MICU1: variants seen among roughly 807,000 people sequenced by gnomAD.
MICU1 encodes the protein calcium uptake protein 1, mitochondrial.
In MICU1, 45 loss-of-function variants were observed where a neutral mutation model predicts 56.8. The ratio of observed to expected loss-of-function variants is 0.79; its 90% CI spans 0.62 to 1.02. MICU1 has a LOEUF of 1.02. Among genes scored for constraint, MICU1 ranks in the 50% least tolerant of loss-of-function variants. The probability of loss-of-function intolerance (pLI) is 0.00; values close to 1 mark genes in which losing one functional copy is unlikely to be tolerated. For synonymous variants in MICU1, 186 were observed against 195.1 expected, an observed-to-expected ratio of 0.95 and a Z score of 0.39; for missense variants, 504 against 587.1, an observed-to-expected ratio of 0.86 and a Z score of 1.46.
chr10:72,455,115 C>T (rs573580432), intron 8 of MICU1, among the ~76,000 whole-genome samples: 4 of 151,944 alleles, frequency 2.6e-5, no homozygotes, highest in South Asian at 2.1e-4. Context: ...TTTGGGAGGC[C>T]GAGGTAGGTG....
At chr10:72,617,861 G>A (rs567013319) in intron 1 of MICU1, among the ~76,000 whole-genome samples, 1 of 152,092 alleles carries the variant, frequency 6.6e-6, no homozygotes, top group East Asian at 1.9e-4. Flanking sequence ...AGCAAAGCTA[G>A]AATCTGTTAA....
At chr10:72,515,874 T>C (rs946763878) in intron 5 of MICU1, among the ~76,000 whole-genome samples, 6 of 152,206 alleles carry the variant, frequency 3.9e-5, no homozygotes, top group Admixed American at 1.3e-4. Context: ...ATTTTCACCA[T>C]AGATGAGTTT....
intron 6 of MICU1, among the ~76,000 whole-genome samples, chr10:72,490,607 G>T (rs1161387525): frequency 6.6e-6 from 1 of 152,138 alleles, no homozygotes; most frequent in Non-Finnish European, 1.5e-5. Flanking sequence ...ATTACAGAGA[G>T]AGTTATGGGG....
chr10:72,549,812 TGCCAGC>T, intron 4 of MICU1, among the ~76,000 whole-genome samples: 1 of 151,384 alleles, frequency 6.6e-6, no homozygotes, highest in South Asian at 2.1e-4. Context: ...ATGCCTGTAA[TGCCAGC>T]TACTCAGGAG....
intron 8 of MICU1, among the ~76,000 whole-genome samples, chr10:72,444,776 C>G (rs570076524): frequency 6.6e-6 from 1 of 152,114 alleles, no homozygotes; most frequent in African/African-American, 2.4e-5. Flanking sequence ...GTGCCTGTGT[C>G]GCACACAGAG....
chr10:72,445,846 A>G (rs551887774), intron 8 of MICU1, among the ~76,000 whole-genome samples: 10 of 152,354 alleles, frequency 6.6e-5, no homozygotes, highest in African/African-American at 2.4e-4. Context: ...CTGTGAGGGT[A>G]AAGTTAGATA....
intron 8 of MICU1, among the ~76,000 whole-genome samples, chr10:72,442,493 A>G (rs188545496): frequency 1.3e-5 from 2 of 152,276 alleles, no homozygotes; most frequent in East Asian, 3.9e-4. Context: ...CAGTAAGGAG[A>G]ATCCAATCTA....
At chr10:72,559,648 G>A (rs1416141005) in intron 3 of MICU1, among the ~76,000 whole-genome samples, 1 of 151,948 alleles carries the variant, frequency 6.6e-6, no homozygotes, top group Non-Finnish European at 1.5e-5. Flanking sequence ...CAAATATTGA[G>A]ACCTCTACAA....
intron 5 of MICU1, among the ~76,000 whole-genome samples, chr10:72,526,431 G>A (rs897584670): frequency 2.0e-5 from 3 of 152,130 alleles, no homozygotes; most frequent in Non-Finnish European, 2.9e-5. Flanking sequence ...AAGTAGCTGG[G>A]ATTACAGGCG....
At chr10:72,369,147 G>A (rs1041218830) in intron 11 of MICU1, among the ~76,000 whole-genome samples, 1 of 151,836 alleles carries the variant, frequency 6.6e-6, no homozygotes, top group South Asian at 2.1e-4. Flanking sequence ...GCATGGTGGT[G>A]GACACCTGTA....
At chr10:72,450,472 T>C (rs768619607) in intron 8 of MICU1, among the ~76,000 whole-genome samples, 30 of 151,844 alleles carry the variant, frequency 2.0e-4, no homozygotes, top group Admixed American at 8.5e-4. Context: ...CTGACAGTGA[T>C]TGTGCGAATG....
intron 8 of MICU1, among the ~76,000 whole-genome samples, chr10:72,451,314 T>G (rs185094569): frequency 6.6e-6 from 1 of 152,274 alleles, no homozygotes; most frequent in Non-Finnish European, 1.5e-5. Context: ...TGAGCCACCA[T>G]GCCTGGCCTA....
intron 1 of MICU1, among the ~76,000 whole-genome samples, chr10:72,585,083 T>G (rs943437025): frequency 2.1e-4 from 30 of 141,760 alleles, no homozygotes; most frequent in African/African-American, 4.6e-4. Flanking sequence ...TGGTTTTAGG[T>G]TTTTTTTTTT....
intron 6 of MICU1, among the ~76,000 whole-genome samples, chr10:72,484,095 C>T (rs1016818664): frequency 2.0e-5 from 3 of 152,154 alleles, no homozygotes; most frequent in African/African-American, 7.2e-5. Flanking sequence ...TGTGGTTGTG[C>T]AGCTGTATAC....
intron 8 of MICU1, among the ~76,000 whole-genome samples, chr10:72,439,905 A>G (rs1864861977): frequency 6.6e-6 from 1 of 152,236 alleles, no homozygotes; most frequent in African/African-American, 2.4e-5. Context: ...AGGAGGACAC[A>G]AACAAATGGA....
chr10:72,444,203 C>A (rs961540195), intron 8 of MICU1, among the ~76,000 whole-genome samples: 1 of 149,596 alleles, frequency 6.7e-6, no homozygotes, highest in South Asian at 2.1e-4. Context: ...GGGGGAACAT[C>A]ACACTCTGGG....
chr10:72,503,697 C>G (rs1280868059), intron 6 of MICU1, among the ~76,000 whole-genome samples: 2 of 152,088 alleles, frequency 1.3e-5, no homozygotes, highest in Non-Finnish European at 2.9e-5. Context: ...CAATATGATT[C>G]TATACCTAGA....
chr10:72,489,318 AC>A (rs1564898330), intron 6 of MICU1, among the ~76,000 whole-genome samples: 34 of 144,396 alleles, frequency 2.4e-4, no homozygotes, highest in Middle Eastern at 3.4e-3. Context: ...ACACACACAC[AC>A]ACACAAAAAT....
chr10:72,391,852 C>T (rs1863083124), intron 10 of MICU1: 1 of 152,066 alleles, frequency 6.6e-6, no homozygotes, highest in Non-Finnish European at 1.5e-5. Flanking sequence ...TTTTGGTCAA[C>T]AGTGGGCTAT....
Sources: gnomAD v4.1 joint callset for allele counts (sites outside exome capture counted in the v4.1 genomes callset) on GRCh38, gnomAD v4.1.1 for gene constraint, MANE v1.5 for transcripts, NCBI Gene and HGNC (gene_info 2026-07-23, HGNC 2026-07-21) for gene names.